GPC5: variants seen among roughly 807,000 people sequenced by gnomAD.
GPC5 encodes the protein glypican-5.
A neutral mutation model predicts 53.9 loss-of-function variants in GPC5; 47 were observed. The ratio of observed to expected loss-of-function variants is 0.87; its 90% confidence interval spans 0.69 to 1.11. The LOEUF (loss-of-function observed/expected upper bound fraction) is 1.11, where lower values mean the gene tolerates loss of function less well. GPC5 is among the 50% of genes most tolerant of loss of function. GPC5 has a pLI of 0.00. For synonymous variants in GPC5, 286 were observed against 263.3 expected, an observed-to-expected ratio of 1.09 and a Z score of -0.84; for missense variants, 748 against 713.1, an observed-to-expected ratio of 1.05 and a Z score of -0.56.
At chr13:92,091,676 G>A (rs537896403) in intron 6 of GPC5, among the ~76,000 whole-genome samples, 28 of 150,978 alleles carry the variant, frequency 1.9e-4, no homozygotes, top group Non-Finnish European at 3.7e-4. Flanking sequence ...TGTCACATAC[G>A]GAGTCATTCT....
chr13:92,519,043 T>A (rs149548301), intron 7 of GPC5, among the ~76,000 whole-genome samples: 1 of 152,266 alleles, frequency 6.6e-6, no homozygotes, highest in East Asian at 1.9e-4. Context: ...GGCCATTACA[T>A]AATGGTAAAG....
chr13:91,625,578 T>A (rs1328086871), intron 2 of GPC5, among the ~76,000 whole-genome samples: 1 of 151,980 alleles, frequency 6.6e-6, no homozygotes, highest in East Asian at 1.9e-4. Flanking sequence ...AGACTTAATA[T>A]CTAAAGGCTA....
intron 7 of GPC5, among the ~76,000 whole-genome samples, chr13:92,785,687 T>C (rs1301238174): frequency 6.6e-6 from 1 of 152,212 alleles, no homozygotes; most frequent in Non-Finnish European, 1.5e-5. Context: ...AAAGGTGCTA[T>C]GTATCCAGGA....
At chr13:92,515,694 C>T (rs553380859) in intron 7 of GPC5, among the ~76,000 whole-genome samples, 1 of 152,044 alleles carries the variant, frequency 6.6e-6, no homozygotes, top group Non-Finnish European at 1.5e-5. Context: ...CAGTGTAATA[C>T]TTTATTAACC....
intron 7 of GPC5, among the ~76,000 whole-genome samples, chr13:92,779,511 T>C (rs1875944702): frequency 6.6e-6 from 1 of 152,128 alleles, no homozygotes; most frequent in African/African-American, 2.4e-5. Flanking sequence ...AACTATGCAT[T>C]TTACTATTCT....
chr13:92,273,697 A>G (rs1266702190), intron 7 of GPC5, among the ~76,000 whole-genome samples: 1 of 127,728 alleles, frequency 7.8e-6, no homozygotes, highest in Non-Finnish European at 1.8e-5. Flanking sequence ...TAAAGAAACA[A>G]TGATGTGGAA....
chr13:91,544,470 T>C (rs747897928), intron 2 of GPC5, among the ~76,000 whole-genome samples: 4 of 152,204 alleles, frequency 2.6e-5, no homozygotes, highest in Non-Finnish European at 4.4e-5. Flanking sequence ...TAGCATATGA[T>C]ACAATTTTAT....
At chr13:92,500,623 AT>A (rs377740586) in intron 7 of GPC5, among the ~76,000 whole-genome samples, 1 of 151,990 alleles carries the variant, frequency 6.6e-6, no homozygotes, top group Non-Finnish European at 1.5e-5. Context: ...TTATTTTACA[AT>A]TTTTCCCCCC....
At chr13:92,004,638 A>G (rs887581270) in intron 6 of GPC5, among the ~76,000 whole-genome samples, 1 of 151,548 alleles carries the variant, frequency 6.6e-6, no homozygotes, top group East Asian at 1.9e-4. Flanking sequence ...TGCTGCTGAT[A>G]AAGACGTAAC....
At chr13:91,761,028 CA>C (rs2037399761) in intron 5 of GPC5, among the ~76,000 whole-genome samples, 1 of 152,154 alleles carries the variant, frequency 6.6e-6, no homozygotes, top group African/African-American at 2.4e-5. Context: ...CCTGTCTCTT[CA>C]TTACAAAACA....
At chr13:92,536,851 A>T (rs1881740765) in intron 7 of GPC5, among the ~76,000 whole-genome samples, 1 of 152,128 alleles carries the variant, frequency 6.6e-6, no homozygotes, top group Non-Finnish European at 1.5e-5. Flanking sequence ...GTCAAATACA[A>T]TATATCAAAT....
intron 3 of GPC5, among the ~76,000 whole-genome samples, chr13:91,718,444 C>CT (rs79227555): frequency 0.1 from 15,917 of 151,690 alleles, 1,097 homozygotes; most frequent in East Asian, 0.29. Flanking sequence ...TTCCCAGTGG[C>CT]TTTTTTTTCC....
chr13:91,869,842 A>G (rs2039124517), intron 5 of GPC5, among the ~76,000 whole-genome samples: 1 of 152,124 alleles, frequency 6.6e-6, no homozygotes, highest in Admixed American at 6.6e-5. Context: ...GCAGAGGGAG[A>G]GAGAGCAAAG....
intron 2 of GPC5, among the ~76,000 whole-genome samples, chr13:91,557,579 G>A (rs2031029063): frequency 6.6e-6 from 1 of 152,038 alleles, no homozygotes; most frequent in African/African-American, 2.4e-5. Flanking sequence ...TAGATTCTAG[G>A]CAGAGTACAG....
rs537001616 is a variant in GPC5, at chr13:91,971,382, G to A, written c.1401+63325G>A. Among the ~76,000 whole-genome samples the A allele has an allele frequency of 1.6e-4, 24 of 151,602 alleles. No individual in the cohort carries two copies. The East Asian group carries it at 1.7e-3, about 11-fold the overall frequency. The stretch of plus-strand genomic sequence containing the variant: ...TTTCTTCTTTATTAGTCTTGCTAGC[G>A]GTCTATCAATTTTGTTGATCTTTTC... On this transcript the variant is annotated intron_variant, in intron 6 of 7. Coordinates refer to ENST00000377067, the MANE Select transcript of GPC5 (RefSeq NM_004466.6).
chr13:91,774,554 A>G (rs966624235), intron 5 of GPC5, among the ~76,000 whole-genome samples: 1 of 152,126 alleles, frequency 6.6e-6, no homozygotes, highest in Non-Finnish European at 1.5e-5. Flanking sequence ...TCAGTCCGTA[A>G]GGAATTATAG....
At chr13:92,826,664 T>C (rs1330409541) in intron 7 of GPC5, among the ~76,000 whole-genome samples, 3 of 152,170 alleles carry the variant, frequency 2.0e-5, no homozygotes, top group Non-Finnish European at 4.4e-5. Context: ...ATTAGGTACA[T>C]GTATACTTAG....
chr13:91,747,414 C>G (rs757847788), intron 4 of GPC5, among the ~76,000 whole-genome samples: 3 of 152,174 alleles, frequency 2.0e-5, no homozygotes, highest in Non-Finnish European at 4.4e-5. Context: ...TCAGTAAGCT[C>G]AGGGCAAACA....
intron 6 of GPC5, among the ~76,000 whole-genome samples, chr13:91,974,458 A>G (rs9583978): frequency 0.026 from 3,796 of 147,918 alleles, 71 homozygotes; most frequent in Middle Eastern, 0.059. Flanking sequence ...AATCACAAGC[A>G]TTCTTAGACA....
Sources: gnomAD v4.1 joint callset for allele counts (sites outside exome capture counted in the v4.1 genomes callset) on GRCh38, gnomAD v4.1.1 for gene constraint, MANE v1.5 for transcripts, NCBI Gene and HGNC (gene_info 2026-07-23, HGNC 2026-07-21) for gene names.